The following LINGO1 variants were observed in gnomAD, a reference collection of about 807,000 sequenced individuals.
LINGO1 encodes leucine-rich repeat and immunoglobulin-like domain-containing nogo receptor-interacting protein 1.
A neutral mutation model predicts 37.3 loss-of-function variants in LINGO1; 11 were observed. The ratio of observed to expected loss-of-function variants is 0.29; its 90% CI spans 0.19 to 0.49. The LOEUF (loss-of-function observed/expected upper bound fraction) is 0.49, where lower values mean the gene tolerates loss of function less well. Ranked by LOEUF, LINGO1 falls within the 20% of genes least tolerant of loss-of-function variation. LINGO1 has a pLI of 0.99. For synonymous variants in LINGO1, 387 were observed against 403.0 expected, an observed-to-expected ratio of 0.96 and a Z score of 0.48; for missense variants, 585 against 878.2, an observed-to-expected ratio of 0.67 and a Z score of 4.22.
chr15:77,777,642 C>T (rs2076675027), intron 1 of LINGO1, among the ~76,000 whole-genome samples: 2 of 152,158 alleles, frequency 1.3e-5, no homozygotes, highest in South Asian at 2.1e-4. Flanking sequence ...GAAATTTATT[C>T]TCAGCCAGGC....
chr15:77,744,415 T>C (rs2076293241), intron 1 of LINGO1, among the ~76,000 whole-genome samples: 1 of 152,068 alleles, frequency 6.6e-6, no homozygotes, highest in Non-Finnish European at 1.5e-5. Flanking sequence ...TCATCTGTAA[T>C]CCCAGCTACT....
chr15:77,699,299 C>T (rs988069729), upstream of LINGO1, among the ~76,000 whole-genome samples: 22 of 10,858 alleles, frequency 2.0e-3, no homozygotes, highest in South Asian at 5.1e-3. Flanking sequence ...GCATACTAAC[C>T]GTCATCCCTA....
intron 1 of LINGO1, among the ~76,000 whole-genome samples, chr15:77,777,269 G>A (rs1366713665): frequency 6.6e-6 from 1 of 152,012 alleles, no homozygotes; most frequent in Admixed American, 6.6e-5. Context: ...CATGGTGGGG[G>A]GGTCCAACCC....
chr15:77,779,351 T>C lies in LINGO1; in HGVS notation c.-257+7518A>G, dbSNP rs565102632. On this transcript the variant is annotated intron_variant, in intron 1 of 3. Transcript: ENST00000561686. Reference sequence around the variant, plus strand: ...TTTCCACAGCCCAGGGTTGGGGAGATGGTTTTGGGATGATTCAAGTGCATT... The same window carrying C: ...TTTCCACAGCCCAGGGTTGGGGAGACGGTTTTGGGATGATTCAAGTGCATT... 2.3e-4 allele frequency among the ~76,000 whole-genome samples: 35 copies of C among 152,136 alleles called. 1 individual carries two copies. The highest frequency in any genetic ancestry group is 8.2e-4 in the African/African-American group (34 of 41,506).
intron 3 of LINGO1, among the ~76,000 whole-genome samples, chr15:77,643,753 A>G (rs2074561156): frequency 6.6e-6 from 1 of 152,168 alleles, no homozygotes; most frequent in South Asian, 2.1e-4. Flanking sequence ...CAGCAAACCC[A>G]AGGGAAAGCT....
chr15:77,746,282 C>T (rs951812747), intron 1 of LINGO1, among the ~76,000 whole-genome samples: 2 of 151,610 alleles, frequency 1.3e-5, no homozygotes, highest in African/African-American at 4.9e-5. Context: ...GCCTGGGTAG[C>T]TTTCATAAGC....
At chr15:77,712,339 G>A (rs943991504) in intron 2 of LINGO1, among the ~76,000 whole-genome samples, 1 of 150,860 alleles carries the variant, frequency 6.6e-6, no homozygotes, top group African/African-American at 2.4e-5. Context: ...CTGCCCTTCC[G>A]CCCTCACTGC....
chr15:77,730,694 G>T (rs2076146004), intron 2 of LINGO1, among the ~76,000 whole-genome samples: 1 of 152,238 alleles, frequency 6.6e-6, no homozygotes, highest in Admixed American at 6.5e-5. Context: ...AGCAAGGCAG[G>T]GGGAAAAAAG....
intron 1 of LINGO1, among the ~76,000 whole-genome samples, chr15:77,739,466 C>T (rs1033337426): frequency 1.3e-5 from 2 of 152,374 alleles, no homozygotes; most frequent in African/African-American, 4.8e-5. Context: ...GGTCCTACTT[C>T]TGTGCCCCTC....
In LINGO1 at chr15:77,613,958, G is replaced by A. The variant is rs903499826; in HGVS notation, c.*86C>T. 1 of 1,091,300 alleles carries A rather than the reference G, an allele frequency of 9.2e-7. No individual in the cohort carries two copies. The highest frequency in any genetic ancestry group is 1.6e-5 in the African/African-American group (1 of 63,090). The allele number at this position is 1,091,300 out of a possible 1,614,324, so 67.6% of individuals were successfully genotyped here. A position where few individuals can be genotyped will look rare whatever the true frequency, so the allele number is the denominator to read the frequency against. On this transcript the variant is annotated 3_prime_UTR_variant, in exon 2 of 2. Transcript: ENST00000355300. ...ACGTGTGTAGAAGGGTAGGGAGGAG[G>A]TGGGAAGGACTGGAGAGTGAGCAGG...
At position 77,756,651 on chromosome 15, in the gene LINGO1, G is replaced by A. The variant is rs185682276; in HGVS notation, c.-256-21598C>T. ...ACGTGACCATTTTCCCGCATCTGGCGTCTAACTGTCTGGCTTTCAATTACT... is the reference window on the plus strand; with the variant it reads ...ACGTGACCATTTTCCCGCATCTGGCATCTAACTGTCTGGCTTTCAATTACT... On this transcript the variant is annotated intron_variant, in intron 1 of 3. Coordinates refer to the LINGO1 transcript ENST00000561686. 1.2e-3 allele frequency among the ~76,000 whole-genome samples: 180 copies of A among 152,342 alleles called. 1 individual carries two copies. Among genetic ancestry groups the A allele is most frequent in the African/African-American group, 4.0e-3 (168 of 41,580 alleles).
intron 1 of LINGO1, among the ~76,000 whole-genome samples, chr15:77,739,129 C>T (rs980767163): frequency 1.3e-5 from 2 of 152,218 alleles, no homozygotes; most frequent in African/African-American, 2.4e-5. Flanking sequence ...TGGGGGCGGC[C>T]GGCAGCTGAA....
At chr15:77,777,267 G>A (rs888510369) in intron 1 of LINGO1, among the ~76,000 whole-genome samples, 1 of 152,046 alleles carries the variant, frequency 6.6e-6, no homozygotes, top group African/African-American at 2.4e-5. Context: ...ATCATGGTGG[G>A]GGGGTCCAAC....
chr15:77,805,614 G>A (rs8031794), intron 1 of LINGO1, among the ~76,000 whole-genome samples: 7,169 of 152,168 alleles, frequency 0.047, 549 homozygotes, highest in African/African-American at 0.16. Flanking sequence ...TAGCAAAACT[G>A]TGTGGAAGTG....
intron 1 of LINGO1, among the ~76,000 whole-genome samples, chr15:77,628,907 AC>A (rs1338624182): frequency 6.6e-6 from 1 of 152,194 alleles, no homozygotes; most frequent in Non-Finnish European, 1.5e-5. Flanking sequence ...CCTACCACCT[AC>A]AAGGATAAGA....
At chr15:77,798,552 G>A (rs2076891946) in intron 1 of LINGO1, among the ~76,000 whole-genome samples, 1 of 152,256 alleles carries the variant, frequency 6.6e-6, no homozygotes, top group South Asian at 2.1e-4. Context: ...CTATGGAAAT[G>A]GGGCCACAGG....
chr15:77,757,265 C>T (rs560071113), intron 1 of LINGO1, among the ~76,000 whole-genome samples: 2 of 152,344 alleles, frequency 1.3e-5, no homozygotes, highest in African/African-American at 4.8e-5. Context: ...CAGTCTGCCG[C>T]AGGGGCCCAG....
chr15:77,636,238 C>T (rs2074394059), upstream of LINGO1, among the ~76,000 whole-genome samples: 1 of 151,912 alleles, frequency 6.6e-6, no homozygotes, highest in Admixed American at 6.6e-5. Flanking sequence ...GGGGCAAGGA[C>T]CAAGGGTCCC....
intron 2 of LINGO1, among the ~76,000 whole-genome samples, chr15:77,719,801 C>CAT (rs35854799): frequency 0.5 from 73,404 of 148,256 alleles, 20,452 homozygotes; most frequent in Admixed American, 0.63. Context: ...CACACACACA[C>CAT]GCACACTCAC....
Sources: gnomAD v4.1 joint callset for allele counts (sites outside exome capture counted in the v4.1 genomes callset) on GRCh38, gnomAD v4.1.1 for gene constraint, MANE v1.5 for transcripts, NCBI Gene and HGNC (gene_info 2026-07-23, HGNC 2026-07-21) for gene names.